ACTR3C: variants seen among roughly 807,000 people sequenced by gnomAD.
ACTR3C encodes the protein actin related protein 3C.
Under a neutral mutation model 26.3 loss-of-function variants are expected in ACTR3C, and 18 were observed. The observed-to-expected ratio is 0.68, with a 90% CI of 0.47 to 1.01. ACTR3C has a LOEUF of 1.01. ACTR3C is among the 50% of genes least tolerant of loss of function. The pLI, the probability that ACTR3C is intolerant of heterozygous loss-of-function variation, is 0.00. For missense variants in ACTR3C, 184 were observed against 250.7 expected (o/e 0.73, Z 1.80); for synonymous variants, 55 against 94.5 (o/e 0.58, Z 2.42).
At chr7:149,996,220 G>A in the ACTR3C span, among the ~76,000 whole-genome samples, 5 of 152,162 alleles carry the variant, frequency 3.3e-5, no homozygotes, top group African/African-American at 7.2e-5. Flanking sequence ...CCATGGAAAG[G>A]GACGGAGTAA....
chr7:150,302,620 A>G (rs1160035045), intron 1 of ACTR3C, among the ~76,000 whole-genome samples: 1 of 152,158 alleles, frequency 6.6e-6, no homozygotes, highest in Non-Finnish European at 1.5e-5. Flanking sequence ...ATGAAAATAT[A>G]CTAAATGTCA....
At chr7:149,988,323 AAGC>A in the ACTR3C span, among the ~76,000 whole-genome samples, 2 of 152,206 alleles carry the variant, frequency 1.3e-5, no homozygotes, top group Admixed American at 1.3e-4. Flanking sequence ...AGGTGATGCT[AAGC>A]ACCGCATGGG....
the ACTR3C span, among the ~76,000 whole-genome samples, chr7:150,222,876 G>C: frequency 2.0e-5 from 3 of 152,142 alleles, no homozygotes; most frequent in African/African-American, 7.2e-5. Flanking sequence ...TCCATGGCAC[G>C]AATAGTTTTC....
the ACTR3C span, among the ~76,000 whole-genome samples, chr7:150,036,507 T>C: frequency 1.4e-5 from 2 of 145,594 alleles, no homozygotes; most frequent in Admixed American, 1.3e-4. Flanking sequence ...TTGTAACTCA[T>C]GAAAAACTTG....
the ACTR3C span, among the ~76,000 whole-genome samples, chr7:150,191,322 C>T: frequency 1.3e-5 from 2 of 152,070 alleles, no homozygotes; most frequent in Non-Finnish European, 2.9e-5. Context: ...GACATCTTAC[C>T]GATATTAGAT....
chr7:150,091,879 T>A, the ACTR3C span, among the ~76,000 whole-genome samples: 5 of 146,934 alleles, frequency 3.4e-5, no homozygotes, highest in African/African-American at 1.3e-4. Context: ...TCCCAGCTAC[T>A]CGGGAGGCTG....
At chr7:150,034,011 G>A in the ACTR3C span, among the ~76,000 whole-genome samples, 1 of 151,248 alleles carries the variant, frequency 6.6e-6, no homozygotes, top group Non-Finnish European at 1.5e-5. Flanking sequence ...CTGCCCCCCT[G>A]CGATGGTGGT....
At chr7:150,092,016 A>AAAAAT in the ACTR3C span, among the ~76,000 whole-genome samples, 1 of 138,096 alleles carries the variant, frequency 7.2e-6, no homozygotes, top group Non-Finnish European at 1.6e-5. Flanking sequence ...AAAAAAAAAA[A>AAAAAT]AAAAAAGAAA....
the ACTR3C span, among the ~76,000 whole-genome samples, chr7:150,122,325 T>TG: frequency 6.6e-6 from 1 of 151,646 alleles, no homozygotes. Context: ...AGGGAGAAAA[T>TG]TTTTGTAATC....
chr7:149,998,681 A>G, the ACTR3C span, among the ~76,000 whole-genome samples: 3 of 150,314 alleles, frequency 2.0e-5, no homozygotes, highest in Non-Finnish European at 4.4e-5. Flanking sequence ...CTTCTCCAAC[A>G]TAATCCAACA....
At chr7:150,278,492 G>A (rs1466658688) in intron 6 of ACTR3C, among the ~76,000 whole-genome samples, 9 of 152,170 alleles carry the variant, frequency 5.9e-5, no homozygotes, top group South Asian at 2.1e-4. Flanking sequence ...GGGCTCTTGC[G>A]GCTCTCCCAG....
chr7:150,023,380 C>T, the ACTR3C span, among the ~76,000 whole-genome samples: 1 of 137,520 alleles, frequency 7.3e-6, no homozygotes, highest in Non-Finnish European at 1.6e-5. Flanking sequence ...GTTGCCCAGG[C>T]TGGAGTGCAG....
the ACTR3C span, among the ~76,000 whole-genome samples, chr7:150,143,017 G>A: frequency 5.3e-5 from 8 of 150,498 alleles, no homozygotes; most frequent in African/African-American, 2.0e-4. Flanking sequence ...ATATTTAGTA[G>A]AGACAGGTTT....
chr7:150,131,729 A>C, the ACTR3C span, among the ~76,000 whole-genome samples: 285 of 145,008 alleles, frequency 2.0e-3, no homozygotes, highest in African/African-American at 7.8e-3. Context: ...AAGAGAAACA[A>C]AAACATGTCC....
the ACTR3C span, among the ~76,000 whole-genome samples, chr7:150,098,460 A>T: frequency 4.6e-5 from 7 of 151,844 alleles, no homozygotes; most frequent in African/African-American, 1.7e-4. Context: ...AAAAATACGC[A>T]TGACATGAAG....
chr7:149,999,631 C>A, the ACTR3C span, among the ~76,000 whole-genome samples: 1 of 151,696 alleles, frequency 6.6e-6, no homozygotes, highest in African/African-American at 2.4e-5. Flanking sequence ...TACACCCAGG[C>A]TACAGCAAAG....
chr7:149,892,870 A>G, the ACTR3C span, among the ~76,000 whole-genome samples: 1 of 150,068 alleles, frequency 6.7e-6, no homozygotes, highest in Non-Finnish European at 1.5e-5. Flanking sequence ...AGGAAGAAAA[A>G]AAGCCGTTAA....
At chr7:150,037,103 G>C in the ACTR3C span, among the ~76,000 whole-genome samples, 1 of 47,960 alleles carries the variant, frequency 2.1e-5, no homozygotes, top group Non-Finnish European at 4.8e-5. Context: ...GGTCCTAAGA[G>C]CCAGGGGGGG....
At chr7:149,921,539 T>A in the ACTR3C span, among the ~76,000 whole-genome samples, 1 of 152,230 alleles carries the variant, frequency 6.6e-6, no homozygotes, top group East Asian at 1.9e-4. Flanking sequence ...TTTGTTTTAT[T>A]GAGCTCGTGT....
Sources: allele counts gnomAD v4.1 joint callset (sites outside exome capture counted in the v4.1 genomes callset), GRCh38; gene constraint gnomAD v4.1.1; transcripts MANE v1.5; gene names NCBI Gene and HGNC (gene_info 2026-07-23, HGNC 2026-07-21).